Variants in USP15 observed in about 807,000 individuals in gnomAD.
The protein encoded by USP15 is ubiquitin carboxyl-terminal hydrolase 15.
A neutral mutation model predicts 127.1 loss-of-function variants in USP15; 18 were observed. The ratio of observed to expected loss-of-function variants is 0.14; its 90% CI spans 0.10 to 0.21. USP15 has a LOEUF of 0.21. Among genes scored for constraint, USP15 ranks in the 10% least tolerant of loss-of-function variants. The pLI, the probability that USP15 is intolerant of heterozygous loss-of-function variation, is 1.00. For synonymous variants in USP15, 364 were observed against 393.7 expected (o/e 0.92, Z 0.89); for missense variants, 805 against 1,159.9 (o/e 0.69, Z 4.44).
intron 20 of USP15, among the ~76,000 whole-genome samples, chr12:62,400,515 T>C (rs561658488): frequency 1.5e-4 from 23 of 151,072 alleles, no homozygotes; most frequent in Admixed American, 2.0e-4. Context: ...TTTCCTCAAA[T>C]ATGTTTGATC....
intron 11 of USP15, among the ~76,000 whole-genome samples, 189 bp from the exon 12 acceptor site, chr12:62,389,242 G>C (rs1222545337): frequency 6.6e-6 from 1 of 152,250 alleles, no homozygotes; most frequent in Middle Eastern, 3.4e-3. Flanking sequence ...GAGGAGCCAA[G>C]GAATGATAAA....
intron 1 of USP15, among the ~76,000 whole-genome samples, chr12:62,276,989 AAC>A (rs1182728797): frequency 6.6e-6 from 1 of 152,104 alleles, no homozygotes; most frequent in Admixed American, 6.6e-5. Flanking sequence ...ACTGTCACTG[AAC>A]ACTATCACTT....
At chr12:62,387,367 G>A (rs1009593714) in intron 11 of USP15, among the ~76,000 whole-genome samples, 1 of 152,130 alleles carries the variant, frequency 6.6e-6, no homozygotes, top group African/African-American at 2.4e-5. Context: ...GCTAATCCAG[G>A]ACTGGCCAAA....
chr12:62,332,754 A>G (rs924201599), intron 6 of USP15, among the ~76,000 whole-genome samples: 1 of 152,204 alleles, frequency 6.6e-6, no homozygotes, highest in South Asian at 2.1e-4. Context: ...ATGGAAAACC[A>G]TGCTAATAGC....
At chr12:62,328,063 G>C (rs2065182926) in intron 6 of USP15, among the ~76,000 whole-genome samples, 1 of 152,126 alleles carries the variant, frequency 6.6e-6, no homozygotes, top group African/African-American at 2.4e-5. Context: ...TATAGCAAAA[G>C]TTACATTTCA....
chr12:62,353,853 T>A (rs2066036617), intron 7 of USP15, among the ~76,000 whole-genome samples: 2 of 152,148 alleles, frequency 1.3e-5, no homozygotes, highest in Middle Eastern at 6.8e-3. Flanking sequence ...GAAAGATGCA[T>A]GAATTATATT....
At position 62,410,662 on chromosome 12, in the gene USP15, A is replaced by T. The variant is rs537904368; in HGVS notation, c.*6287A>T. 3.3e-5 allele frequency: 5 copies of T among 152,298 alleles called. No homozygotes were observed. The South Asian group carries it at 6.2e-4, about 19-fold the overall frequency. The allele number at this position is 152,298 out of a possible 1,614,324, so 9.4% of individuals were successfully genotyped here. A position where few individuals can be genotyped will look rare whatever the true frequency, so the allele number is the denominator to read the frequency against. On this transcript the variant is annotated 3_prime_UTR_variant, in exon 22 of 22. Transcript: ENST00000280377. ...ACTTCCACCATAGCTAGCTCCAAAC[A>T]GGTCATTAACCTCTGAATTACTGTT...
At chr12:62,358,609 G>T (rs533681909) in intron 8 of USP15, among the ~76,000 whole-genome samples, 1 of 151,998 alleles carries the variant, frequency 6.6e-6, no homozygotes, top group Non-Finnish European at 1.5e-5. Flanking sequence ...CAAGCTACTC[G>T]GGAGGCTAAG....
chr12:62,362,004 C>T (rs1379967879), intron 8 of USP15, among the ~76,000 whole-genome samples: 7 of 151,970 alleles, frequency 4.6e-5, no homozygotes, highest in African/African-American at 1.7e-4. Context: ...CCCTTCTTTG[C>T]ATAATGCAGG....
chr12:62,358,879 C>T (rs919712879), intron 8 of USP15, among the ~76,000 whole-genome samples: 5 of 151,774 alleles, frequency 3.3e-5, no homozygotes, highest in Admixed American at 1.3e-4. Context: ...ATAACAACAC[C>T]ATTTTATATC....
intron 1 of USP15, among the ~76,000 whole-genome samples, chr12:62,272,880 A>G (rs145021142): frequency 1.3e-5 from 2 of 152,184 alleles, no homozygotes; most frequent in African/African-American, 4.8e-5. Flanking sequence ...AGTATTTCAC[A>G]TGTATTTGAT....
intron 14 of USP15, among the ~76,000 whole-genome samples, chr12:62,390,302 T>G (rs1199532818): frequency 1.3e-5 from 2 of 152,148 alleles, no homozygotes; most frequent in African/African-American, 4.8e-5. Flanking sequence ...TCATAACAAA[T>G]GTCAAATGCC....
At chr12:62,269,799 T>C (rs75300900) in intron 1 of USP15, among the ~76,000 whole-genome samples, 3,347 of 152,228 alleles carry the variant, frequency 0.022, 122 homozygotes, top group African/African-American at 0.075. Context: ...TATAACACAT[T>C]TGATATATCC....
At chr12:62,353,607 G>A (rs1047715898) in intron 7 of USP15, among the ~76,000 whole-genome samples, 2 of 151,910 alleles carry the variant, frequency 1.3e-5, no homozygotes, top group East Asian at 1.9e-4. Flanking sequence ...GAAAATGAAA[G>A]CCTTGCTTTT....
rs916359892 is a variant in USP15 at position 62,400,698 on chromosome 12, T to A, written c.2675-489T>A. ...AGAAAATTTAATAATAAGTTGAAATTTCAAACTATGAAGTCAGAAACAGAT... is the reference window on the plus strand; with the variant it reads ...AGAAAATTTAATAATAAGTTGAAATATCAAACTATGAAGTCAGAAACAGAT... On this transcript the variant is annotated intron_variant, in intron 20 of 21. Coordinates refer to ENST00000280377, the MANE Select transcript of USP15 (RefSeq NM_001252078.2). Among the ~76,000 whole-genome samples the A allele has an allele frequency of 3.9e-5, 6 of 151,932 alleles. No homozygotes were observed. The East Asian group carries it at 1.2e-3, about 29-fold the overall frequency.
chr12:62,335,893 A>C, intron 6 of USP15: 1 of 985,256 alleles, frequency 1.0e-6, no homozygotes, highest in South Asian at 4.7e-5. Flanking sequence ...GCATGATACG[A>C]CCTTTTATGC....
At chr12:62,399,157 A>C (rs1208147433) in intron 20 of USP15, among the ~76,000 whole-genome samples, 1 of 152,232 alleles carries the variant, frequency 6.6e-6, no homozygotes, top group Non-Finnish European at 1.5e-5. Context: ...GTTGAGATCA[A>C]CAAACTCACA....
At chr12:62,301,238 C>T (rs984786577) in intron 2 of USP15, among the ~76,000 whole-genome samples, 18 of 152,072 alleles carry the variant, frequency 1.2e-4, no homozygotes, top group Non-Finnish European at 2.2e-4. Context: ...CTGTTTCTAT[C>T]GATGTCATAT....
chr12:62,327,288 T>C (rs2065155601), intron 6 of USP15, among the ~76,000 whole-genome samples: 1 of 152,120 alleles, frequency 6.6e-6, no homozygotes, highest in Admixed American at 6.5e-5. Flanking sequence ...TGATTTTTAT[T>C]CTTACCCTAC....
Sources: allele counts gnomAD v4.1 joint callset (sites outside exome capture counted in the v4.1 genomes callset), GRCh38; gene constraint gnomAD v4.1.1; transcripts MANE v1.5; gene names NCBI Gene and HGNC (gene_info 2026-07-23, HGNC 2026-07-21).